The following CDH4 variants were observed in gnomAD, a reference collection of about 807,000 sequenced individuals.
CDH4 encodes cadherin 4, also known as cadherin-4.
In CDH4, 33 loss-of-function variants were observed where a neutral mutation model predicts 86.0. That is an observed-to-expected ratio of 0.38 (90% confidence interval 0.29 to 0.51). The LOEUF (loss-of-function observed/expected upper bound fraction) is 0.51. CDH4 is among the 20% of genes least tolerant of loss of function. The pLI is 0.86. For missense variants in CDH4, 1,114 were observed against 1,307.4 expected (o/e 0.85, Z 2.28); for synonymous variants, 555 against 549.4 (o/e 1.01, Z -0.14).
In CDH4 at chr20:61,517,022, A is replaced by G. The variant is rs551600388; in HGVS notation, c.170-226541A>G. ...TTAGTACCCAACCAGACAGCTCTGCACAGACTGCAGAGCCCAGTGTGGCCA... is the reference window on the plus strand; with the variant it reads ...TTAGTACCCAACCAGACAGCTCTGCGCAGACTGCAGAGCCCAGTGTGGCCA... On this transcript the variant is annotated intron_variant, in intron 2 of 15. Transcript: ENST00000614565. The surrounding 1 kb of genome is among the most constrained non-coding windows in gnomAD (Gnocchi z 6.6). Among the ~76,000 whole-genome samples, 5 of 152,302 alleles carry G rather than the reference A, an allele frequency of 3.3e-5. No individual in the cohort carries two copies. In the South Asian group the frequency reaches 1.0e-3, roughly 32 times the overall value.
At chr20:61,499,425 C>A in intron 2 of CDH4, 3 of 1,287,478 alleles carry the variant, frequency 2.3e-6, no homozygotes, top group Non-Finnish European at 3.0e-6. Flanking sequence ...TGGTTCAGAA[C>A]AAGGATTCGA....
intron 2 of CDH4, among the ~76,000 whole-genome samples, chr20:61,636,815 G>A (rs1311626823): frequency 6.6e-6 from 1 of 152,226 alleles, no homozygotes; most frequent in African/African-American, 2.4e-5. Context: ...CTCCACAGGG[G>A]CGGTAGAATG....
rs78732753 is a variant in CDH4, at chr20:61,590,613, G to A, written c.170-152950G>A. Among the ~76,000 whole-genome samples, 450 of 152,280 alleles carry A rather than the reference G, an allele frequency of 3.0e-3. 9 individuals carry two copies. The East Asian group carries it at 0.03, about 10-fold the overall frequency. On this transcript the variant is annotated intron_variant, in intron 2 of 15. Coordinates refer to ENST00000614565, the MANE Select transcript of CDH4 (RefSeq NM_001794.5). ...CTAGGGAGGAGAGGGGGCTGGACAG[G>A]GCCTGGAACCTTCCCTCTGCCAGGC...
In CDH4 at chr20:61,838,146, CTGCCTGT is replaced by C. The variant is rs1304250068; in HGVS notation, c.577-6521_577-6515del. Among the ~76,000 whole-genome samples the C allele has an allele frequency of 9.1e-3, 441 of 48,654 alleles. 1 individual carries two copies. The highest frequency in any genetic ancestry group is 0.028 in the Non-Finnish European group (305 of 10,900). 31.9% of individuals were successfully genotyped at this position (48,654 alleles called of 152,430 possible). A position where few individuals can be genotyped will look rare whatever the true frequency, so the allele number is the denominator to read the frequency against. On this transcript the variant is annotated intron_variant, in intron 4 of 15. Transcript: ENST00000614565. ...TGACTGGGGCCGTCTACCTGCCTGT[CTGCCTGT>C]CTGCCTGTCTGCCTGTCTCCCCTGC... is the stretch of plus-strand genomic sequence containing the variant.
Position 61,869,824 on chromosome 20 carries a change from C to T in CDH4, c.878-3904C>T, listed in dbSNP as rs377287915. On this transcript the variant is annotated intron_variant, in intron 6 of 15. Coordinates refer to ENST00000614565, the MANE Select transcript of CDH4 (RefSeq NM_001794.5). Reference sequence around the variant, plus strand: ...GGGGGAGGACCTCCTGCCTGGCCTTCGGGGACCGAGGAGTCCTTCAGGAGA... The same window carrying T: ...GGGGGAGGACCTCCTGCCTGGCCTTTGGGGACCGAGGAGTCCTTCAGGAGA... Among the ~76,000 whole-genome samples the T allele has an allele frequency of 3.3e-5, 5 of 152,300 alleles. No homozygotes were observed. The East Asian group carries it at 7.7e-4, about 24-fold the overall frequency.
intron 2 of CDH4, among the ~76,000 whole-genome samples, chr20:61,440,273 T>G (rs2085307219): frequency 6.6e-6 from 1 of 152,186 alleles, no homozygotes; most frequent in South Asian, 2.1e-4. Flanking sequence ...ACTGAAGTGA[T>G]GAATGATTCA....
At chr20:61,932,310 G>A (rs905618424) in intron 13 of CDH4, among the ~76,000 whole-genome samples, 5 of 152,210 alleles carry the variant, frequency 3.3e-5, no homozygotes, top group Non-Finnish European at 5.9e-5. Flanking sequence ...GGGCGAGCTT[G>A]TAAATCAATG....
intron 2 of CDH4, among the ~76,000 whole-genome samples, chr20:61,386,966 G>A (rs1349497837): frequency 1.3e-5 from 2 of 152,224 alleles, no homozygotes; most frequent in Non-Finnish European, 2.9e-5. Context: ...GCTGCCCATG[G>A]GAGGAACTCC....
rs768849464 is a variant in CDH4 at position 61,939,766 on chromosome 20, G to T, written c.*2823G>T. The T allele has an allele frequency of 2.6e-5, 4 of 152,286 alleles. No individual in the cohort carries two copies. The highest frequency in any genetic ancestry group is 4.8e-5 in the African/African-American group (2 of 41,466). 9.4% of individuals were successfully genotyped at this position (152,286 alleles called of 1,614,324 possible). ...TTTGCAAACAGGAGAAACCTGTGCTGCAGGTTGGAGTGGCAGGAACGACTG... is the reference window on the plus strand; with the variant it reads ...TTTGCAAACAGGAGAAACCTGTGCTTCAGGTTGGAGTGGCAGGAACGACTG... On this transcript the variant is annotated 3_prime_UTR_variant, in exon 16 of 16. Transcript: ENST00000614565.
intron 4 of CDH4, among the ~76,000 whole-genome samples, chr20:61,837,424 C>T (rs1013317248): frequency 2.6e-5 from 4 of 152,168 alleles, no homozygotes; most frequent in African/African-American, 7.2e-5. Flanking sequence ...GAACTCTGCC[C>T]GGGTCATCAC....
intron 2 of CDH4, among the ~76,000 whole-genome samples, chr20:61,671,730 G>C (rs2145846168): frequency 6.6e-6 from 1 of 151,256 alleles, no homozygotes; most frequent in East Asian, 2.0e-4. Flanking sequence ...GAATGGATGG[G>C]TGGATGGATG....
intron 13 of CDH4, among the ~76,000 whole-genome samples, chr20:61,931,607 C>G (rs760274572): frequency 7.9e-5 from 12 of 152,178 alleles, no homozygotes; most frequent in East Asian, 1.9e-4. Context: ...TGGGAGGTGA[C>G]GGGAGGCTTC....
intron 2 of CDH4, among the ~76,000 whole-genome samples, chr20:61,572,651 G>A (rs745973768): frequency 2.1e-4 from 32 of 152,220 alleles, no homozygotes; most frequent in Non-Finnish European, 3.7e-4. Context: ...CCAGGACAGC[G>A]CGTCTTTGTA....
At chr20:61,825,366 C>T (rs901131124) in intron 4 of CDH4, among the ~76,000 whole-genome samples, 5 of 152,148 alleles carry the variant, frequency 3.3e-5, no homozygotes, top group Admixed American at 3.3e-4. Flanking sequence ...CATGACAGTG[C>T]ACTCCAGCCT....
chr20:61,415,064 C>T (rs1001582606), intron 2 of CDH4, among the ~76,000 whole-genome samples: 2 of 152,248 alleles, frequency 1.3e-5, no homozygotes, highest in Admixed American at 1.3e-4. Flanking sequence ...CCTTGGCCCA[C>T]ATTCGTCAAA....
intron 2 of CDH4, among the ~76,000 whole-genome samples, chr20:61,697,901 C>T (rs2145880901): frequency 6.6e-6 from 1 of 152,364 alleles, no homozygotes; most frequent in African/African-American, 2.4e-5. Context: ...ACCCTCCCAT[C>T]TGTTTCTTCT....
At chr20:61,299,926 G>A (rs1453300829) in intron 2 of CDH4, among the ~76,000 whole-genome samples, 1 of 152,204 alleles carries the variant, frequency 6.6e-6, no homozygotes, top group Non-Finnish European at 1.5e-5. Context: ...TGGGGTTAGA[G>A]CCTTTGCCAG....
chr20:61,329,479 A>ATTGCAGCATGC (rs1600870571), intron 2 of CDH4, among the ~76,000 whole-genome samples: 7 of 152,040 alleles, frequency 4.6e-5, no homozygotes, highest in East Asian at 1.9e-4. Context: ...GGTGGCTGTG[A>ATTGCAGCATGC]GTGGCTCTTC....
At chr20:61,365,314 C>T (rs755330571) in intron 2 of CDH4, among the ~76,000 whole-genome samples, 6 of 152,156 alleles carry the variant, frequency 3.9e-5, no homozygotes, top group Admixed American at 6.5e-5. Flanking sequence ...ATGTCTTCTT[C>T]GTGGGGCTTG....
Sources: allele counts gnomAD v4.1 joint callset (sites outside exome capture counted in the v4.1 genomes callset), GRCh38; gene constraint gnomAD v4.1.1; non-coding constraint Gnocchi (gnomAD v3.1); transcripts MANE v1.5; gene names NCBI Gene and HGNC (gene_info 2026-07-23, HGNC 2026-07-21).